TRPM5: variants seen among roughly 807,000 people sequenced by gnomAD.
TRPM5 encodes MLSN1 and TRP-related.
A neutral mutation model predicts 124.9 loss-of-function variants in TRPM5; 121 were observed. The observed-to-expected ratio is 0.97, with a 90% confidence interval of 0.84 to 1.13. TRPM5 has a LOEUF of 1.13. Ranked by LOEUF, TRPM5 falls within the 50% of genes most tolerant of loss-of-function variation. The pLI, the probability that TRPM5 is intolerant of heterozygous loss-of-function variation, is 0.00. For synonymous variants in TRPM5, 781 were observed against 700.5 expected, an observed-to-expected ratio of 1.11 and a Z score of -1.81; for missense variants, 1,643 against 1,589.1, an observed-to-expected ratio of 1.03 and a Z score of -0.58.
At chr11:2,431,328 C>T in the TRPM5 span, among the ~76,000 whole-genome samples, 2 of 152,122 alleles carry the variant, frequency 1.3e-5, no homozygotes, top group Non-Finnish European at 2.9e-5. Flanking sequence ...GGAGGGTCCA[C>T]TAGACCCTGA....
chr11:2,414,876 C>A, intron 10 of TRPM5, 31 bp downstream of exon 15: 6 of 1,593,718 alleles, frequency 3.8e-6, no homozygotes, highest in Non-Finnish European at 5.1e-6. Context: ...CCCTCCCCTG[C>A]CCCCGCGCTG....
intron 11 of TRPM5, 47 bp from the exon 17 acceptor site, chr11:2,414,253 C>T (rs1850519671): frequency 1.3e-6 from 2 of 1,570,890 alleles, no homozygotes; most frequent in South Asian, 1.2e-5. Context: ...CGATGCCCGG[C>T]CCGGCCCCCG....
At chr11:2,414,009 G>GGGGCCCC in intron 12 of TRPM5, 52 bp downstream of exon 17, 9 of 1,023,724 alleles carry the variant, frequency 8.8e-6, no homozygotes, top group Admixed American at 2.2e-5. Flanking sequence ...GGCCCAGCTC[G>GGGGCCCC]CCCGCCCACC....
At chr11:2,405,660 C>A in intron 22 of TRPM5, 67 bp from the exon 28 acceptor site, 1 of 1,491,850 alleles carries the variant, frequency 6.7e-7, no homozygotes, top group Non-Finnish European at 9.1e-7. Flanking sequence ...CAGGCAGCCT[C>A]CCCATCTCCC....
At chr11:2,437,398 T>C in the TRPM5 span, among the ~76,000 whole-genome samples, 3 of 152,074 alleles carry the variant, frequency 2.0e-5, no homozygotes, top group African/African-American at 7.2e-5. The surrounding 1 kb of genome is among the most constrained non-coding windows in gnomAD (Gnocchi z 5.6). Flanking sequence ...GTGGACCTGC[T>C]TCTGGGTGGG....
chr11:2,415,196 G>T, exon 9 of TRPM5: 2 of 1,584,178 alleles, frequency 1.3e-6, no homozygotes, highest in Non-Finnish European at 8.6e-7. Flanking sequence ...CCTTGAGTAC[G>T]CGGGAGACCT....
At chr11:2,414,148 G>A (rs747850402) in exon 12 of TRPM5, 2 of 1,608,710 alleles carry the variant, frequency 1.2e-6, no homozygotes. Context: ...AGCGGTTCCG[G>A]CGCACCAGCA....
intron 20 of TRPM5, 39 bp downstream of exon 25, chr11:2,407,080 C>A (rs566185923): frequency 2.0e-6 from 2 of 1,010,322 alleles, no homozygotes; most frequent in African/African-American, 1.5e-5. Context: ...CCCGCCACCT[C>A]GGCCTCACCC....
At chr11:2,414,009 G>GGGCGCCCCCCCCCCCCCC in intron 12 of TRPM5, 52 bp downstream of exon 17, 14 of 1,023,716 alleles carry the variant, frequency 1.4e-5, no homozygotes, top group East Asian at 2.8e-5. Context: ...GGCCCAGCTC[G>GGGCGCCCCCCCCCCCCCC]CCCGCCCACC....
chr11:2,406,100 G>A lies in TRPM5; in HGVS notation c.3252-9C>T. ...TGGCAATGAAGTCCACTCTGCGGCA[G>A]GAGCAGGTGGTCAGGCTGTGGATGG... On this transcript the variant is annotated splice_polypyrimidine_tract_variant and intron_variant, in intron 21 of 23. Coordinates refer to ENST00000155858, the Ensembl canonical transcript of TRPM5. 6.2e-7 allele frequency: 1 copy of A among 1,610,860 alleles called. No homozygotes were observed. The highest frequency in any genetic ancestry group is 8.5e-7 in the Non-Finnish European group (1 of 1,179,920).
intron 4 of TRPM5, among the ~76,000 whole-genome samples, chr11:2,419,428 T>G: frequency 7.1e-6 from 1 of 140,422 alleles, no homozygotes; most frequent in Admixed American, 7.5e-5. Flanking sequence ...GCCAACATGG[T>G]GCAACCCCGT....
At chr11:2,420,861 C>T (rs1478947300) in intron 3 of TRPM5, among the ~76,000 whole-genome samples, 171 bp downstream of exon 8, 1 of 152,192 alleles carries the variant, frequency 6.6e-6, no homozygotes, top group African/African-American at 2.4e-5. Flanking sequence ...TCTACGCTGG[C>T]CGTTCCCTAT....
At chr11:2,418,666 A>G in intron 4 of TRPM5, 75 bp from the exon 10 acceptor site, 1 of 1,469,010 alleles carries the variant, frequency 6.8e-7, no homozygotes, top group South Asian at 1.3e-5. Context: ...CTCTCAGGCC[A>G]CCACATTTTC....
In TRPM5 at chr11:2,412,304, G is replaced by T. The variant is rs766984469; in HGVS notation, c.2356-51C>A. ...GACAGCTGTCCAGCCGCCCTCGCTG[G>T]GGACAGCCCTACCTGGACAAGCTTG... On this transcript the variant is annotated intron_variant, in intron 15 of 23. Transcript: ENST00000155858. 1.1e-5 allele frequency: 14 copies of T among 1,268,868 alleles called. No homozygotes were observed. The South Asian group carries it at 1.7e-4, about 16-fold the overall frequency. 78.6% of individuals were successfully genotyped at this position (1,268,868 alleles called of 1,614,324 possible).
At chr11:2,412,352 A>T in intron 15 of TRPM5, 99 bp from the exon 21 acceptor site, 2 of 589,654 alleles carry the variant, frequency 3.4e-6, no homozygotes, top group Non-Finnish European at 5.0e-6. Flanking sequence ...TCAGGGTTCC[A>T]TCTATGACCA....
chr11:2,420,387 A>G (rs1845754158), exon 4 of TRPM5: 3 of 1,611,068 alleles, frequency 1.9e-6, no homozygotes, highest in South Asian at 2.2e-5. Context: ...TCCTCAGGGT[A>G]GTGGACAGGA....
chr11:2,422,713 C>T lies in TRPM5; in HGVS notation c.117+207G>A, dbSNP rs139894376. ...TCTCTCGGGGGGACTTCAGGGGTCC[C>T]GGTTATTGCAGGGAGGTAGGAGGCC... On this transcript the variant is annotated intron_variant, in intron 1 of 23. Coordinates refer to ENST00000155858, the Ensembl canonical transcript of TRPM5. 7.1e-3 allele frequency among the ~76,000 whole-genome samples: 1,080 copies of T among 151,998 alleles called. 48 individuals carry two copies. The highest frequency in any genetic ancestry group is 0.062 in the Admixed American group (949 of 15,270).
At chr11:2,405,927 G>T in intron 22 of TRPM5, 92 bp downstream of exon 27, 1 of 1,204,348 alleles carries the variant, frequency 8.3e-7, no homozygotes, top group Non-Finnish European at 1.2e-6. Flanking sequence ...CCTCATCTCT[G>T]TGAGTGACCG....
intron 15 of TRPM5, 114 bp from the exon 21 acceptor site, chr11:2,412,367 C>T (rs538018984): frequency 1.7e-5 from 14 of 824,690 alleles, no homozygotes; most frequent in South Asian, 7.6e-5. Context: ...TGACCAGGGC[C>T]GAGGCTACCA....
Sources: gnomAD v4.1 joint callset for allele counts (sites outside exome capture counted in the v4.1 genomes callset) on GRCh38, gnomAD v4.1.1 for gene constraint, Gnocchi (gnomAD v3.1) non-coding constraint, MANE v1.5 for transcripts, NCBI Gene and HGNC (gene_info 2026-07-23, HGNC 2026-07-21) for gene names.